CPEB3: variants seen among roughly 807,000 people sequenced by gnomAD.
CPEB3 encodes cytoplasmic polyadenylation element binding protein 3, also known as cytoplasmic polyadenylation element-binding protein 3.
In CPEB3, 20 loss-of-function variants were observed where a neutral mutation model predicts 67.2. The observed-to-expected ratio is 0.30, with a 90% CI of 0.21 to 0.43. CPEB3 has a LOEUF of 0.43. Ranked by LOEUF, CPEB3 falls within the 20% of genes least tolerant of loss-of-function variation. The pLI, the probability that CPEB3 is intolerant of heterozygous loss-of-function variation, is 1.00. For synonymous variants in CPEB3, 376 were observed against 393.1 expected, an observed-to-expected ratio of 0.96 and a Z score of 0.51; for missense variants, 746 against 968.6, an observed-to-expected ratio of 0.77 and a Z score of 3.05.
intron 2 of CPEB3, among the ~76,000 whole-genome samples, chr10:92,233,529 T>C (rs74690723): frequency 1.4e-5 from 2 of 145,096 alleles, no homozygotes; most frequent in African/African-American, 2.6e-5. Flanking sequence ...AGATTCTGTC[T>C]TTAAAAAAAA....
chr10:92,108,083 G>A (rs896088353), intron 7 of CPEB3, among the ~76,000 whole-genome samples: 1 of 152,148 alleles, frequency 6.6e-6, no homozygotes, highest in African/African-American at 2.4e-5. Context: ...GAGGGGAAAC[G>A]ATGAGAAAGA....
intron 2 of CPEB3, among the ~76,000 whole-genome samples, chr10:92,196,343 G>A (rs1336418608): frequency 1.3e-5 from 2 of 152,190 alleles, no homozygotes; most frequent in Non-Finnish European, 2.9e-5. Context: ...GAGTATTAGA[G>A]AAACAGTTGG....
chr10:92,216,592 C>T (rs1448733854), intron 2 of CPEB3: 6 of 1,610,370 alleles, frequency 3.7e-6, no homozygotes, highest in Non-Finnish European at 5.1e-6. Context: ...ACACACTGCC[C>T]ATTGAGGTAT....
chr10:92,052,386 G>T lies in CPEB3; in HGVS notation c.1923C>A (p.Gly641=), dbSNP rs780239545. The T allele has an allele frequency of 2.5e-6, 4 of 1,614,214 alleles. No individual in the cohort carries two copies. The South Asian group carries it at 3.3e-5, about 13-fold the overall frequency. ...LDDQMCDECQ[G]TRCGGKFAPF... is the part of the protein sequence containing the mutation. ...GGGCAAACTTCCCACCACAGCGTGT[G>T]CCCTGGCACTCATCACACATCTGAT... Residue 641 remains glycine (G), a synonymous_variant, in exon 10 of 10, where the codon GGC becomes GGA. Coordinates refer to ENST00000265997, the MANE Select transcript of CPEB3 (RefSeq NM_014912.5).
chr10:92,190,975 T>G (rs1848951465), intron 3 of CPEB3, among the ~76,000 whole-genome samples: 1 of 152,346 alleles, frequency 6.6e-6, no homozygotes, highest in African/African-American at 2.4e-5. Context: ...TACAAAGATC[T>G]GATAGAAGCA....
chr10:92,289,273 C>A (rs879323873), intron 1 of CPEB3, among the ~76,000 whole-genome samples: 6 of 151,848 alleles, frequency 4.0e-5, no homozygotes, highest in African/African-American at 1.2e-4. Flanking sequence ...CGCGGTGGCT[C>A]GCCCCTGTAA....
chr10:92,277,447 A>G (rs1242332364), intron 1 of CPEB3, among the ~76,000 whole-genome samples: 4 of 152,228 alleles, frequency 2.6e-5, no homozygotes, highest in Non-Finnish European at 5.9e-5. Flanking sequence ...TCTATTGACT[A>G]TAAAAGTAAG....
At chr10:92,164,585 T>C (rs1434013922) in intron 4 of CPEB3, among the ~76,000 whole-genome samples, 1 of 152,202 alleles carries the variant, frequency 6.6e-6, no homozygotes, top group Non-Finnish European at 1.5e-5. Flanking sequence ...CTTAGCATGT[T>C]TTTGAGATTA....
intron 4 of CPEB3, among the ~76,000 whole-genome samples, chr10:92,165,896 A>T (rs906613595): frequency 6.6e-6 from 1 of 152,064 alleles, no homozygotes; most frequent in African/African-American, 2.4e-5. Flanking sequence ...TTCTCTACTG[A>T]CGTTTTGAAC....
chr10:92,081,631 A>G (rs1843157196), intron 8 of CPEB3, 130 bp from the exon 9 acceptor site: 1 of 800,064 alleles, frequency 1.2e-6, no homozygotes, highest in African/African-American at 1.7e-5. Context: ...AGTATCATGA[A>G]GAATGTCCAC....
At chr10:92,056,281 G>A (rs1842109267) in intron 9 of CPEB3, among the ~76,000 whole-genome samples, 1 of 152,168 alleles carries the variant, frequency 6.6e-6, no homozygotes, top group Non-Finnish European at 1.5e-5. Flanking sequence ...AACAGCAACA[G>A]TCAAACAGTA....
intron 2 of CPEB3, among the ~76,000 whole-genome samples, chr10:92,202,404 GT>G (rs1376960353): frequency 6.7e-6 from 1 of 149,138 alleles, no homozygotes; most frequent in African/African-American, 2.5e-5. Context: ...CTATCAACTG[GT>G]AAATGGATAA....
intron 2 of CPEB3, among the ~76,000 whole-genome samples, chr10:92,218,288 T>C (rs1408849879): frequency 6.6e-6 from 1 of 152,102 alleles, no homozygotes; most frequent in East Asian, 1.9e-4. Context: ...ACACCTGTAA[T>C]CCCAGCTACT....
chr10:92,282,408 G>A (rs1842337637), intron 1 of CPEB3, among the ~76,000 whole-genome samples: 1 of 152,192 alleles, frequency 6.6e-6, no homozygotes, highest in Admixed American at 6.5e-5. Context: ...TAACACTGTA[G>A]GCCAGGTGCA....
chr10:92,103,988 G>T (rs985791693), intron 7 of CPEB3, among the ~76,000 whole-genome samples: 2 of 152,206 alleles, frequency 1.3e-5, no homozygotes, highest in African/African-American at 4.8e-5. Context: ...TTCTTTGAAT[G>T]AGCTTCATGG....
At chr10:92,219,838 G>A (rs77688380) in intron 2 of CPEB3, among the ~76,000 whole-genome samples, 69 of 152,256 alleles carry the variant, frequency 4.5e-4, no homozygotes, top group Middle Eastern at 3.4e-3. Context: ...GAAATGTTGA[G>A]AAATTCTAGA....
chr10:92,076,822 A>G (rs1339957524), intron 9 of CPEB3, among the ~76,000 whole-genome samples: 1 of 140,208 alleles, frequency 7.1e-6, no homozygotes, highest in Non-Finnish European at 1.6e-5. Context: ...GAGGGGAGAA[A>G]GAGGAGGAGG....
At chr10:92,199,508 C>T (rs1849406354) in intron 2 of CPEB3, among the ~76,000 whole-genome samples, 1 of 151,216 alleles carries the variant, frequency 6.6e-6, no homozygotes, top group Non-Finnish European at 1.5e-5. Flanking sequence ...CTGGCTAACA[C>T]GGTGAAACCC....
intron 4 of CPEB3, among the ~76,000 whole-genome samples, chr10:92,174,752 C>T (rs1247502532): frequency 6.6e-6 from 1 of 152,006 alleles, no homozygotes; most frequent in African/African-American, 2.4e-5. Flanking sequence ...AATTTATCTC[C>T]TTATAACTTG....
Sources: gnomAD v4.1 joint callset for allele counts (sites outside exome capture counted in the v4.1 genomes callset) on GRCh38, gnomAD v4.1.1 for gene constraint, MANE v1.5 for transcripts, NCBI Gene and HGNC (gene_info 2026-07-23, HGNC 2026-07-21) for gene names.